PHF8: variants seen among roughly 807,000 people sequenced by gnomAD.
PHF8 encodes PHD finger protein 8.
PHF8 carries 9 observed loss-of-function variants against 74.4 expected under a neutral mutation model. The observed-to-expected ratio is 0.12, with a 90% CI of 0.07 to 0.21. The LOEUF is 0.21. PHF8 is among the 10% of genes least tolerant of loss of function. PHF8 has a pLI of 1.00. For synonymous variants in PHF8, 311 were observed against 316.6 expected, an observed-to-expected ratio of 0.98 and a Z score of 0.19; for missense variants, 478 against 816.6, an observed-to-expected ratio of 0.59 and a Z score of 5.05.
At chrX:53,954,586 C>A (rs1443264664) in intron 19 of PHF8, among the ~76,000 whole-genome samples, 1 of 100,356 alleles carries the variant, frequency 1.0e-5, no homozygotes, top group East Asian at 3.1e-4. Context: ...GCTTAAAATG[C>A]CTTGAAAAAA....
At chrX:54,022,420 T>C (rs1557110306) in intron 3 of PHF8, 53 bp from the exon 4 acceptor site, 7 of 811,445 alleles carry the variant, frequency 8.6e-6, no homozygotes, top group Middle Eastern at 2.8e-4. Flanking sequence ...TGAGCTATGA[T>C]ACCAAGAACA....
intron 19 of PHF8, among the ~76,000 whole-genome samples, chrX:53,961,925 TGG>T (rs2065112747): frequency 8.9e-6 from 1 of 111,983 alleles, no homozygotes; most frequent in South Asian, 3.7e-4. Flanking sequence ...TTCCCAACCA[TGG>T]GATCAAGGCT....
intron 10 of PHF8, 121 bp downstream of exon 10, chrX:54,002,034 T>C: frequency 2.0e-6 from 1 of 512,497 alleles, no homozygotes. Context: ...TTAATTTATA[T>C]ACTGAGATCT....
intron 18 of PHF8, among the ~76,000 whole-genome samples, chrX:53,964,868 C>CA (rs782274910): frequency 0.2 from 7,612 of 37,519 alleles, 483 homozygotes; most frequent in African/African-American, 0.29. Context: ...AACTCTGCCT[C>CA]AAAAAAAAAA....
chrX:53,948,028 G>A (rs988864947), intron 19 of PHF8, among the ~76,000 whole-genome samples: 2 of 111,793 alleles, frequency 1.8e-5, no homozygotes, highest in Non-Finnish European at 3.8e-5. Flanking sequence ...ACAAGTTGTC[G>A]CCATTGTGCC....
At chrX:53,982,538 T>C (rs782799568) in intron 18 of PHF8, among the ~76,000 whole-genome samples, 2 of 112,709 alleles carry the variant, frequency 1.8e-5, no homozygotes, top group African/African-American at 6.4e-5. Flanking sequence ...TAACAACCTA[T>C]GAGGTAGGTA....
At chrX:54,014,799 G>C (rs2066035929) in intron 6 of PHF8, among the ~76,000 whole-genome samples, 1 of 111,046 alleles carries the variant, frequency 9.0e-6, no homozygotes, top group South Asian at 3.8e-4. Flanking sequence ...TCCAGTCAAA[G>C]GTGTTCATTT....
rs142731070 is a variant in PHF8, at chrX:53,940,231, A to G, written c.2935T>C (p.Leu979=). ...STTPMAPGVF[L]TQRRPSVGSQ... is the part of the protein sequence containing the mutation. ...CCAACTGAAGGGCGCCGCTGGGTCAAGAAGACACCGGGGGCCATAGGTGTG... is the reference window on the plus strand; with the variant it reads ...CCAACTGAAGGGCGCCGCTGGGTCAGGAAGACACCGGGGGCCATAGGTGTG... The change falls in exon 21 of 22, where the codon TTG becomes CTG. Residue 979 remains leucine (L), a synonymous_variant. Coordinates refer to ENST00000338154, the MANE Select transcript of PHF8 (RefSeq NM_015107.3). The G allele has an allele frequency of 1.0e-5, 12 of 1,192,404 alleles. No individual in the cohort carries two copies. The African/African-American group carries it at 1.9e-4, about 19-fold the overall frequency.
At chrX:53,971,185 C>T (rs1465007922) in intron 18 of PHF8, among the ~76,000 whole-genome samples, 2 of 111,733 alleles carry the variant, frequency 1.8e-5, no homozygotes, top group African/African-American at 3.2e-5. Flanking sequence ...AAGAAATTCA[C>T]TCAAAACCAC....
intron 2 of PHF8, among the ~76,000 whole-genome samples, chrX:54,036,118 A>G (rs1264422552): frequency 9.2e-6 from 1 of 108,881 alleles, no homozygotes; most frequent in African/African-American, 3.3e-5. Context: ...AAAAAAAAAA[A>G]AAGAAAAGAA....
chrX:54,014,116 C>T lies in PHF8; in HGVS notation c.783+261G>A, dbSNP rs181348192. Among the ~76,000 whole-genome samples, 647 of 109,819 alleles carry T rather than the reference C, an allele frequency of 5.9e-3. 3 individuals carry two copies. The highest frequency in any genetic ancestry group is 0.02 in the African/African-American group (617 of 30,262). On this transcript the variant is annotated intron_variant, in intron 7 of 21. Transcript: ENST00000338154. Reference sequence around the variant, plus strand: ...GACTACAGGCGCCTGCCACCAAGCCCGGCTAATTTTTTTTATTTTTAGTAG... The same window carrying T: ...GACTACAGGCGCCTGCCACCAAGCCTGGCTAATTTTTTTTATTTTTAGTAG...
intron 14 of PHF8, among the ~76,000 whole-genome samples, chrX:53,990,362 G>A (rs1557101022): frequency 1.8e-5 from 2 of 111,014 alleles, no homozygotes; most frequent in East Asian, 5.7e-4. Context: ...TCTATACTTT[G>A]ACTATCTGGG....
intron 6 of PHF8, 116 bp downstream of exon 6, chrX:54,016,479 G>A (rs2066071543): frequency 1.5e-6 from 1 of 646,460 alleles, no homozygotes; most frequent in Non-Finnish European, 2.4e-6. Flanking sequence ...GGGCGACAGA[G>A]CAAGACTCTG....
chrX:54,036,049 T>A (rs1422082165), intron 2 of PHF8, among the ~76,000 whole-genome samples: 2 of 100,258 alleles, frequency 2.0e-5, no homozygotes, highest in Non-Finnish European at 3.9e-5. Flanking sequence ...AGCCGGAGGT[T>A]GCGGTGAGCC....
chrX:53,966,907 G>A (rs1309968829), intron 18 of PHF8, among the ~76,000 whole-genome samples: 108 of 109,459 alleles, frequency 9.9e-4, no homozygotes, highest in African/African-American at 3.3e-3. Flanking sequence ...TGTGAGGAGC[G>A]CCTCTGCCCG....
At chrX:53,983,902 A>G (rs1313888553) in intron 18 of PHF8, among the ~76,000 whole-genome samples, 2 of 112,435 alleles carry the variant, frequency 1.8e-5, no homozygotes, top group Non-Finnish European at 3.7e-5. Flanking sequence ...TTCTGTCTAC[A>G]TATGAATGTA....
intron 2 of PHF8, among the ~76,000 whole-genome samples, chrX:54,032,077 C>G (rs1221386686): frequency 9.0e-6 from 1 of 111,554 alleles, no homozygotes; most frequent in Non-Finnish European, 1.9e-5. Flanking sequence ...GAGCCAAAAC[C>G]TAAATCAGAT....
At chrX:54,011,035 G>GTA in intron 8 of PHF8, 87 bp downstream of exon 8, 1 of 824,157 alleles carries the variant, frequency 1.2e-6, no homozygotes, top group Non-Finnish European at 1.8e-6. Flanking sequence ...GACATCCCAC[G>GTA]TAATCAGATT....
rs781966365 is a variant in PHF8 at position 53,976,307 on chromosome X, A to T, written c.2443+8607T>A. Among the ~76,000 whole-genome samples the T allele has an allele frequency of 1.6e-3, 175 of 110,263 alleles. 1 individual carries two copies. Among genetic ancestry groups the T allele is most frequent in the African/African-American group, 5.6e-3 (168 of 30,008 alleles). On this transcript the variant is annotated intron_variant, in intron 18 of 21. Transcript: ENST00000338154. ...GTGACAGACCAAGACTCTGTCTCAA[A>T]AAAATAAAATAAAATAAAATAGAAT...
Sources: allele counts gnomAD v4.1 joint callset (sites outside exome capture counted in the v4.1 genomes callset), GRCh38; gene constraint gnomAD v4.1.1; transcripts MANE v1.5; gene names NCBI Gene and HGNC (gene_info 2026-07-23, HGNC 2026-07-21).